NDRG3: variants seen among roughly 807,000 people sequenced by gnomAD.
NDRG3 encodes NDRG family member 3.
A neutral mutation model predicts 57.2 loss-of-function variants in NDRG3; 23 were observed. That is an observed-to-expected ratio of 0.40 (90% CI 0.29 to 0.57). The LOEUF is 0.57. Among genes scored for constraint, NDRG3 ranks in the 20% least tolerant of loss-of-function variants. The pLI is 0.42. For missense variants in NDRG3, 384 were observed against 457.3 expected, an observed-to-expected ratio of 0.84 and a Z score of 1.46; for synonymous variants, 132 against 162.6, an observed-to-expected ratio of 0.81 and a Z score of 1.43.
intron 3 of NDRG3, among the ~76,000 whole-genome samples, chr20:36,692,931 C>T (rs976684968): frequency 6.7e-6 from 1 of 150,248 alleles, no homozygotes; most frequent in African/African-American, 2.4e-5. Flanking sequence ...AAACATTAGC[C>T]AGGTGTGATG....
At chr20:36,742,513 A>T (rs1286819619) in intron 1 of NDRG3, among the ~76,000 whole-genome samples, 1 of 152,168 alleles carries the variant, frequency 6.6e-6, no homozygotes, top group Non-Finnish European at 1.5e-5. Context: ...ATGGATATTT[A>T]CCAGGTTTCA....
Position 36,680,916 on chromosome 20 carries a change from C to G in NDRG3, c.445-14G>C, listed in dbSNP as rs1446585655. ...TGGATGGTTGAGCTGAAAGATGAGGCAAAGACAATAGTATGAAAGCTACAC... is the reference window on the plus strand; with the variant it reads ...TGGATGGTTGAGCTGAAAGATGAGGGAAAGACAATAGTATGAAAGCTACAC... On this transcript the variant is annotated splice_polypyrimidine_tract_variant and intron_variant, in intron 7 of 15. Coordinates refer to ENST00000349004, the MANE Select transcript of NDRG3 (RefSeq NM_032013.4). 1.2e-6 allele frequency: 2 copies of G among 1,609,248 alleles called. No homozygotes were observed. The highest frequency in any genetic ancestry group is 1.7e-6 in the Non-Finnish European group (2 of 1,175,860).
chr20:36,680,805 G>A lies in NDRG3; in HGVS notation c.531+11C>T. On this transcript the variant is annotated intron_variant, in intron 8 of 15. Transcript: ENST00000349004. ...AAGATAAGCCGATGGACACCTTCAT[G>A]TGGTACTTACTTTGGAAGCTGCCCA... is the stretch of plus-strand genomic sequence containing the variant. 1.2e-6 allele frequency: 2 copies of A among 1,611,204 alleles called. No individual in the cohort carries two copies. Among genetic ancestry groups the A allele is most frequent in the Non-Finnish European group, 1.7e-6 (2 of 1,177,374 alleles).
At chr20:36,724,672 A>C (rs540619532) in intron 1 of NDRG3, among the ~76,000 whole-genome samples, 2 of 152,316 alleles carry the variant, frequency 1.3e-5, no homozygotes, top group East Asian at 3.9e-4. Flanking sequence ...TCGCACCTGT[A>C]ATCCCAGCAC....
At chr20:36,681,648 A>AC (rs1184890514) in intron 7 of NDRG3, among the ~76,000 whole-genome samples, 40 of 151,834 alleles carry the variant, frequency 2.6e-4, no homozygotes, top group Admixed American at 1.6e-3. Flanking sequence ...AAAAAAAAAA[A>AC]AAAAAAATTT....
intron 5 of NDRG3, among the ~76,000 whole-genome samples, chr20:36,686,129 C>T (rs1477827954): frequency 6.6e-6 from 1 of 152,210 alleles, no homozygotes; most frequent in East Asian, 1.9e-4. Flanking sequence ...TCTGCCTGAA[C>T]ACTTAAGGGG....
At chr20:36,688,614 G>A (rs977982971) in intron 4 of NDRG3, 65 bp downstream of exon 4, 119 of 1,192,298 alleles carry the variant, frequency 1.0e-4, no homozygotes, top group Non-Finnish European at 1.4e-4. Flanking sequence ...TATTGTTGTT[G>A]TTTGGTTTTT....
chr20:36,715,004 G>GTATATA (rs1163522116), intron 2 of NDRG3, among the ~76,000 whole-genome samples: 16 of 32,482 alleles, frequency 4.9e-4, no homozygotes, highest in Non-Finnish European at 7.2e-4. Flanking sequence ...GTGTGTGTGT[G>GTATATA]TGTATATATA....
At chr20:36,733,157 A>AT (rs1426407046) in intron 1 of NDRG3, among the ~76,000 whole-genome samples, 8 of 48,140 alleles carry the variant, frequency 1.7e-4, no homozygotes, top group African/African-American at 7.0e-4. Context: ...AAAAAAAAAA[A>AT]AAAAAAAAAA....
At chr20:36,673,826 C>T (rs1010370852) in intron 8 of NDRG3, among the ~76,000 whole-genome samples, 4 of 151,938 alleles carry the variant, frequency 2.6e-5, no homozygotes, top group Non-Finnish European at 1.5e-5. Context: ...AACATTTGGC[C>T]GGGCGCAGTA....
At chr20:36,690,155 C>T (rs561746940) in intron 3 of NDRG3, among the ~76,000 whole-genome samples, 3 of 152,352 alleles carry the variant, frequency 2.0e-5, no homozygotes, top group South Asian at 2.1e-4. Flanking sequence ...AGTTCTAAGA[C>T]ATCCCTGGAC....
chr20:36,697,793 T>C (rs1600918169), intron 3 of NDRG3, among the ~76,000 whole-genome samples: 1 of 152,164 alleles, frequency 6.6e-6, no homozygotes, highest in Non-Finnish European at 1.5e-5. Context: ...GTATGATCTA[T>C]AAGTGTGTGC....
At chr20:36,693,791 G>T (rs2148136506) in intron 3 of NDRG3, among the ~76,000 whole-genome samples, 1 of 151,616 alleles carries the variant, frequency 6.6e-6, no homozygotes, top group South Asian at 2.1e-4. Context: ...TCTAGTTGCA[G>T]GAAAACAAGC....
rs1980133852 is a variant in NDRG3 at position 36,671,336 on chromosome 20, C to T, written c.588+5G>A. The T allele has an allele frequency of 6.2e-7, 1 of 1,612,426 alleles. No homozygotes were observed. Among genetic ancestry groups the T allele is most frequent in the Non-Finnish European group, 8.5e-7 (1 of 1,178,728 alleles). On this transcript the variant is annotated splice_donor_5th_base_variant and intron_variant, in intron 9 of 15. Coordinates refer to ENST00000349004, the MANE Select transcript of NDRG3 (RefSeq NM_032013.4). ...ACAGCTCTTCTGGGTGGAACAGGTA[C>T]TTACCTGCCCAAAGTGATGAGCCAA...
At chr20:36,710,883 G>A (rs1273972123) in intron 2 of NDRG3, among the ~76,000 whole-genome samples, 1 of 150,730 alleles carries the variant, frequency 6.6e-6, no homozygotes, top group Non-Finnish European at 1.5e-5. Context: ...GGGAGGCTCA[G>A]GCAGGAGAAT....
intron 1 of NDRG3, among the ~76,000 whole-genome samples, chr20:36,744,968 G>GGC (rs1986113834): frequency 3.2e-5 from 1 of 31,314 alleles, no homozygotes; most frequent in African/African-American, 1.0e-4. Context: ...GCCAGGGTAA[G>GGC]GGGGGGGGGG....
intron 11 of NDRG3, 59 bp from the exon 12 acceptor site, chr20:36,665,156 AC>A: frequency 4.4e-6 from 7 of 1,608,912 alleles, no homozygotes; most frequent in Non-Finnish European, 6.0e-6. Flanking sequence ...TCCACTGAAC[AC>A]CAAATTAGTC....
At chr20:36,668,113 G>A (rs1374467352) in intron 9 of NDRG3, among the ~76,000 whole-genome samples, 1 of 152,070 alleles carries the variant, frequency 6.6e-6, no homozygotes, top group East Asian at 1.9e-4. Flanking sequence ...GTGGTGGTAC[G>A]TGCCTGTAGT....
intron 5 of NDRG3, 49 bp from the exon 6 acceptor site, chr20:36,684,524 C>T (rs1417962817): frequency 6.6e-7 from 1 of 1,512,202 alleles, no homozygotes; most frequent in East Asian, 2.3e-5. Context: ...TCACAATTCC[C>T]AGTTGCTAGA....
Sources: allele counts gnomAD v4.1 joint callset (sites outside exome capture counted in the v4.1 genomes callset), GRCh38; gene constraint gnomAD v4.1.1; transcripts MANE v1.5; gene names NCBI Gene and HGNC (gene_info 2026-07-23, HGNC 2026-07-21).